The following CFAP91 variants were observed in gnomAD, a reference collection of about 807,000 sequenced individuals.
CFAP91 encodes cilia and flagella associated protein 91, also known as cilia- and flagella-associated protein 91.
Under a neutral mutation model 95.9 loss-of-function variants are expected in CFAP91, and 85 were observed. The ratio of observed to expected loss-of-function variants is 0.89; its 90% CI spans 0.74 to 1.06. The LOEUF (loss-of-function observed/expected upper bound fraction) is 1.06. CFAP91 is among the 50% of genes least tolerant of loss of function. The probability of loss-of-function intolerance (pLI) is 0.00; values close to 1 mark genes in which losing one functional copy is unlikely to be tolerated. For synonymous variants in CFAP91, 335 were observed against 327.5 expected, an observed-to-expected ratio of 1.02 and a Z score of -0.25; for missense variants, 962 against 943.4, an observed-to-expected ratio of 1.02 and a Z score of -0.26.
At chr3:119,707,047 G>T in intron 2 of CFAP91, 162 bp downstream of exon 2, 1 of 602,950 alleles carries the variant, frequency 1.7e-6, no homozygotes. Flanking sequence ...CTTAATACGT[G>T]TGGCTCATTG....
In CFAP91 at chr3:119,730,156, G is replaced by C. The variant is rs543920270; in HGVS notation, c.861-64G>C. The C allele has an allele frequency of 2.0e-6, 3 of 1,508,262 alleles. No homozygotes were observed. The African/African-American group carries it at 4.2e-5, about 21-fold the overall frequency. The allele number at this position is 1,508,262 out of a possible 1,614,324, so 93.4% of individuals were successfully genotyped here. ...CACAGAGAAGAGCCTGTCTGTGGCA[G>C]CTGTTCCCTTGCCCTCTGTTTGAGA... On this transcript the variant is annotated intron_variant, in intron 7 of 17. Coordinates refer to ENST00000273390, the MANE Select transcript of CFAP91 (RefSeq NM_033364.4).
Position 119,703,236 on chromosome 3 carries a change from C to G in CFAP91, c.124+14C>G. On this transcript the variant is annotated intron_variant, in intron 1 of 17. Coordinates refer to ENST00000273390, the MANE Select transcript of CFAP91 (RefSeq NM_033364.4). ...ATTTTCTGTACGGTAAGGACCGCCG[C>G]AGACCTTCCTCCGCGTCCGTCGCCT... is the stretch of plus-strand genomic sequence containing the variant. 1.9e-6 allele frequency: 3 copies of G among 1,611,058 alleles called. No individual in the cohort carries two copies. Among genetic ancestry groups the G allele is most frequent in the African/African-American group, 1.3e-5 (1 of 75,028 alleles).
chr3:119,707,299 A>G, intron 2 of CFAP91, 105 bp from the exon 3 acceptor site: 2 of 869,696 alleles, frequency 2.3e-6, no homozygotes, highest in South Asian at 2.1e-5. Flanking sequence ...CTTATGCTGT[A>G]TACATTGTTT....
At chr3:119,716,570 C>T (rs1298140985) in intron 6 of CFAP91, among the ~76,000 whole-genome samples, 1 of 152,106 alleles carries the variant, frequency 6.6e-6, no homozygotes, top group Non-Finnish European at 1.5e-5. Context: ...TTTATGAATC[C>T]AGATTAAGCA....
intron 16 of CFAP91, chr3:119,750,167 T>C (rs1048760917): frequency 1.1e-4 from 17 of 152,238 alleles, no homozygotes; most frequent in African/African-American, 3.6e-4. Context: ...CAGTACTTCT[T>C]GCGGTCCTTT....
At chr3:119,705,952 A>G (rs1297287164) in intron 1 of CFAP91, 1 of 152,258 alleles carries the variant, frequency 6.6e-6, no homozygotes, top group Non-Finnish European at 1.5e-5. Context: ...GAATTGACAC[A>G]CATTATCCAA....
intron 5 of CFAP91, chr3:119,713,048 G>C (rs1188334320): frequency 6.6e-6 from 1 of 151,078 alleles, no homozygotes; most frequent in African/African-American, 2.4e-5. Flanking sequence ...TTTCTAACTG[G>C]CTTGAAATGC....
intron 16 of CFAP91, among the ~76,000 whole-genome samples, chr3:119,749,800 G>A (rs760043004): frequency 3.3e-5 from 5 of 152,062 alleles, no homozygotes; most frequent in African/African-American, 4.8e-5. Context: ...ATATACAGAC[G>A]ATTTTGAGGT....
chr3:119,747,786 A>G (rs1334644264), intron 15 of CFAP91, 25 bp from the exon 16 acceptor site: 6 of 1,595,222 alleles, frequency 3.8e-6, no homozygotes, highest in Non-Finnish European at 5.1e-6. Flanking sequence ...CAAAGAAATA[A>G]TTCAATTTGT....
chr3:119,752,840 G>A (rs6795467), intron 17 of CFAP91, among the ~76,000 whole-genome samples: 2,505 of 152,182 alleles, frequency 0.016, 62 homozygotes, highest in African/African-American at 0.057. Context: ...TCTAGTTGCA[G>A]AAAAGTCTAG....
chr3:119,747,813 G>A lies in CFAP91; in HGVS notation c.2054G>A (p.Arg685Gln), dbSNP rs200409004. 102 of 1,610,854 alleles carry A rather than the reference G, an allele frequency of 6.3e-5. No homozygotes were observed. Among genetic ancestry groups the A allele is most frequent in the African/African-American group, 1.1e-4 (8 of 74,962 alleles). ...TCAATTTGTTTTATATTTTTTAGCC[G>A]AACCTATCTTCAGTCAGAGGAGATT... ...NDIAYEMESR[R>Q]TYLQSEEIVA... Residue 685 changes from arginine (R) to glutamine (Q), a missense_variant and splice_region_variant, in exon 16 of 18, where the codon CGA (arginine) becomes CAA (glutamine). Physicochemically the swap from Arg to Gln is conservative, Grantham distance 43. Transcript: ENST00000273390.
rs536432698 is a variant in CFAP91 at position 119,753,347 on chromosome 3, C to G, written c.*1+2249C>G. ...TCTATGCCCTAGTGGTAAGGGTTAA[C>G]TGGAAGTAAACTATCCCTGGCATAT... On this transcript the variant is annotated intron_variant, in intron 17 of 17. Transcript: ENST00000273390. Among the ~76,000 whole-genome samples, 50 of 152,206 alleles carry G rather than the reference C, an allele frequency of 3.3e-4. No homozygotes were observed. In the South Asian group the frequency reaches 5.0e-3, roughly 15 times the overall value.
intron 9 of CFAP91, among the ~76,000 whole-genome samples, chr3:119,733,013 G>A (rs948968473): frequency 6.6e-6 from 1 of 152,226 alleles, no homozygotes; most frequent in African/African-American, 2.4e-5. Context: ...GCCATCTCCA[G>A]AGCAAAATGT....
intron 14 of CFAP91, among the ~76,000 whole-genome samples, chr3:119,745,792 C>G (rs558248284): frequency 2.0e-5 from 3 of 152,150 alleles, no homozygotes; most frequent in African/African-American, 7.2e-5. Flanking sequence ...TTGGTTGATA[C>G]TGTATTAAAC....
chr3:119,741,666 C>T (rs968196270), intron 13 of CFAP91, among the ~76,000 whole-genome samples: 5 of 152,156 alleles, frequency 3.3e-5, no homozygotes, highest in African/African-American at 1.2e-4. Flanking sequence ...TTCTGTAAGT[C>T]AATCTGAAAA....
chr3:119,745,942 G>A (rs185299402), intron 14 of CFAP91, among the ~76,000 whole-genome samples: 11 of 152,272 alleles, frequency 7.2e-5, no homozygotes, highest in Non-Finnish European at 1.5e-5. Flanking sequence ...TGAGTCCCAG[G>A]CATTATCTCA....
Position 119,730,233 on chromosome 3 carries a change from C to T in CFAP91, c.874C>T (p.Arg292Cys), listed in dbSNP as rs142876723. The change falls in exon 8 of 18, where the codon CGC becomes TGC. Residue 292 changes from arginine (R) to cysteine (C), a missense_variant. Physicochemically the swap from Arg to Cys is radical, Grantham distance 180. Transcript: ENST00000273390. ...EQEIEKLQEI[R>C]LEVLKELLRK... ...ATTTACTTGAAGACTGCAGGAGATTCGCCTGGAAGTTCTAAAAGAGCTGTT... is the reference window on the plus strand; with the variant it reads ...ATTTACTTGAAGACTGCAGGAGATTTGCCTGGAAGTTCTAAAAGAGCTGTT... 28 of 1,613,272 alleles carry T rather than the reference C, an allele frequency of 1.7e-5. No individual in the cohort carries two copies. The highest frequency in any genetic ancestry group is 1.7e-4 in the Middle Eastern group (1 of 6,060).
At chr3:119,741,779 C>T (rs1477437457) in intron 13 of CFAP91, among the ~76,000 whole-genome samples, 2 of 152,148 alleles carry the variant, frequency 1.3e-5, no homozygotes, top group Non-Finnish European at 2.9e-5. Context: ...ATGTGGGAGT[C>T]GGGCACAAAT....
intron 17 of CFAP91, among the ~76,000 whole-genome samples, chr3:119,756,884 T>C (rs1009291990): frequency 2.6e-5 from 4 of 152,104 alleles, no homozygotes; most frequent in African/African-American, 7.2e-5. Flanking sequence ...AATAAAATGG[T>C]AGATGCAAAC....
Sources: allele counts gnomAD v4.1 joint callset (sites outside exome capture counted in the v4.1 genomes callset), GRCh38; gene constraint gnomAD v4.1.1; transcripts MANE v1.5; gene names NCBI Gene and HGNC (gene_info 2026-07-23, HGNC 2026-07-21).